Variants in DLG2 observed in about 807,000 individuals in gnomAD.
The protein encoded by DLG2 is disks large homolog 2.
Under a neutral mutation model 132.5 loss-of-function variants are expected in DLG2, and 45 were observed. The observed-to-expected ratio is 0.34, with a 90% confidence interval of 0.27 to 0.44. The LOEUF (loss-of-function observed/expected upper bound fraction) is 0.44, where lower values mean the gene tolerates loss of function less well. DLG2 is among the 20% of genes least tolerant of loss of function. The pLI, the probability that DLG2 is intolerant of heterozygous loss-of-function variation, is 1.00. For synonymous variants in DLG2, 424 were observed against 419.6 expected (o/e 1.01, Z -0.13); for missense variants, 1,045 against 1,196.9 (o/e 0.87, Z 1.87).
At chr11:85,427,799 A>G (rs181504289) in intron 3 of DLG2, among the ~76,000 whole-genome samples, 10,957 of 152,244 alleles carry the variant, frequency 0.072, 652 homozygotes, top group African/African-American at 0.16. Flanking sequence ...ATGTAAATGG[A>G]CTAAATGCTC....
intron 6 of DLG2, among the ~76,000 whole-genome samples, chr11:84,662,718 C>T (rs976926960): frequency 7.3e-5 from 10 of 136,624 alleles, no homozygotes; most frequent in Non-Finnish European, 1.2e-4. Context: ...ACCTGGGAGG[C>T]GGAGGTTGTG....
At chr11:84,783,777 T>A (rs2072278692) in intron 6 of DLG2, among the ~76,000 whole-genome samples, 1 of 151,930 alleles carries the variant, frequency 6.6e-6, no homozygotes, top group African/African-American at 2.4e-5. Flanking sequence ...TGTTTCAGAG[T>A]TTTTCCTCCA....
intron 22 of DLG2, chr11:83,480,638 T>C: frequency 1.3e-6 from 2 of 1,554,660 alleles, no homozygotes; most frequent in Non-Finnish European, 1.7e-6. Flanking sequence ...TTTTAGCAAA[T>C]GAAGAAAGTA....
intron 6 of DLG2, among the ~76,000 whole-genome samples, chr11:85,065,337 T>C (rs1051663625): frequency 6.6e-6 from 1 of 151,492 alleles, no homozygotes. Context: ...ACTCCTTTTT[T>C]TTAAAACCCC....
chr11:84,109,423 T>C (rs1359629483), intron 9 of DLG2, among the ~76,000 whole-genome samples: 1 of 152,146 alleles, frequency 6.6e-6, no homozygotes, highest in Non-Finnish European at 1.5e-5. Context: ...AAGGGCATTG[T>C]GTGTTTAGAA....
chr11:84,935,379 C>T (rs1266194120), intron 6 of DLG2, among the ~76,000 whole-genome samples: 1 of 152,196 alleles, frequency 6.6e-6, no homozygotes, highest in Admixed American at 6.5e-5. Flanking sequence ...TGTTTAAATA[C>T]AGTCCCAGAT....
intron 6 of DLG2, among the ~76,000 whole-genome samples, chr11:84,848,591 T>C (rs112387015): frequency 0.011 from 1,613 of 152,308 alleles, 24 homozygotes; most frequent in African/African-American, 0.036. Context: ...CACCTATCCC[T>C]GTCTCACCAT....
intron 18 of DLG2, among the ~76,000 whole-genome samples, chr11:83,677,237 C>T (rs1181053097): frequency 6.6e-6 from 1 of 151,954 alleles, no homozygotes; most frequent in Non-Finnish European, 1.5e-5. Flanking sequence ...TAAAGGCATG[C>T]TTTGTCTTGC....
intron 6 of DLG2, among the ~76,000 whole-genome samples, chr11:84,782,226 C>T (rs1432527465): frequency 6.6e-6 from 1 of 152,038 alleles, no homozygotes; most frequent in Non-Finnish European, 1.5e-5. Flanking sequence ...ATGGGAAAGA[C>T]AAACTTTTGA....
At chr11:83,594,851 C>G (rs779230019) in intron 19 of DLG2, among the ~76,000 whole-genome samples, 3 of 152,100 alleles carry the variant, frequency 2.0e-5, no homozygotes, top group South Asian at 4.1e-4. Flanking sequence ...TAAAGATGGT[C>G]CAGATTTTAG....
intron 14 of DLG2, among the ~76,000 whole-genome samples, chr11:83,959,982 T>C (rs2154154687): frequency 6.6e-6 from 1 of 152,160 alleles, no homozygotes; most frequent in Admixed American, 6.5e-5. Context: ...CTAGGGTGCA[T>C]AGGAGAGAAG....
At chr11:83,948,782 C>T (rs760224543) in intron 14 of DLG2, among the ~76,000 whole-genome samples, 4 of 152,090 alleles carry the variant, frequency 2.6e-5, no homozygotes, top group Non-Finnish European at 5.9e-5. Flanking sequence ...TGCTCTGTGC[C>T]TAGATTTCAT....
chr11:84,120,642 T>C (rs1030650111), intron 9 of DLG2, among the ~76,000 whole-genome samples: 9 of 152,164 alleles, frequency 5.9e-5, no homozygotes, highest in African/African-American at 1.2e-4. Flanking sequence ...AAAGATAAAA[T>C]AGGTTTCCTT....
intron 3 of DLG2, 30 bp downstream of exon 3, chr11:85,598,627 A>C: frequency 6.6e-7 from 1 of 1,505,716 alleles, no homozygotes; most frequent in Non-Finnish European, 8.9e-7. Context: ...TCTGACCATT[A>C]AAATGATGAA....
chr11:84,387,752 C>T (rs1417900672), intron 7 of DLG2, among the ~76,000 whole-genome samples: 1 of 152,162 alleles, frequency 6.6e-6, no homozygotes, highest in African/African-American at 2.4e-5. Flanking sequence ...CTTACGTATA[C>T]TTCAAGTATC....
chr11:84,941,491 T>A (rs1253970263), intron 6 of DLG2, among the ~76,000 whole-genome samples: 2 of 152,134 alleles, frequency 1.3e-5, no homozygotes, highest in Non-Finnish European at 2.9e-5. Context: ...GATCATATGG[T>A]TTTTATCCTT....
At chr11:83,462,287 T>C (rs2090173551) in intron 26 of DLG2, 194 bp from the exon 27 acceptor site, 2 of 555,532 alleles carry the variant, frequency 3.6e-6, no homozygotes, top group Non-Finnish European at 6.4e-6. Flanking sequence ...GCTCATTCTC[T>C]CAAAGGGCAG....
At position 84,553,809 on chromosome 11, in the gene DLG2, A is replaced by G. The variant is rs548291869; in HGVS notation, c.358-19078T>C. ...ACATGTTACAATATAGATAAGTTTGATAATTTCTTCTTAAAATTGGCAACA... is the reference window on the plus strand; with the variant it reads ...ACATGTTACAATATAGATAAGTTTGGTAATTTCTTCTTAAAATTGGCAACA... On this transcript the variant is annotated intron_variant, in intron 6 of 27. Transcript: ENST00000376104. Among the ~76,000 whole-genome samples, 4 of 152,362 alleles carry G rather than the reference A, an allele frequency of 2.6e-5. No homozygotes were observed. The South Asian group carries it at 8.3e-4, about 32-fold the overall frequency.
chr11:84,223,700 G>T (rs557387243), intron 8 of DLG2, among the ~76,000 whole-genome samples: 1 of 152,082 alleles, frequency 6.6e-6, no homozygotes, highest in East Asian at 1.9e-4. Context: ...GGGACTACAG[G>T]CGCATGTCAC....
Sources: allele counts gnomAD v4.1 joint callset (sites outside exome capture counted in the v4.1 genomes callset), GRCh38; gene constraint gnomAD v4.1.1; transcripts MANE v1.5; gene names NCBI Gene and HGNC (gene_info 2026-07-23, HGNC 2026-07-21).